The following CRIP2 variants were observed in gnomAD, a reference collection of about 807,000 sequenced individuals.
CRIP2 encodes cysteine rich protein 2.
Under a neutral mutation model 31.3 loss-of-function variants are expected in CRIP2, and 31 were observed. The observed-to-expected ratio is 0.99, with a 90% CI of 0.74 to 1.34. The LOEUF is 1.34. CRIP2 is among the 40% of genes most tolerant of loss of function. The probability of loss-of-function intolerance (pLI) is 0.00; values close to 1 mark genes in which losing one functional copy is unlikely to be tolerated. For missense variants in CRIP2, 389 were observed against 301.6 expected, an observed-to-expected ratio of 1.29 and a Z score of -2.15; for synonymous variants, 177 against 127.2, an observed-to-expected ratio of 1.39 and a Z score of -2.63.
At chr14:105,473,046 TAGCAAGCCC>T, upstream of CRIP2, 2 of 13,466 alleles carry the variant, frequency 1.5e-4, no homozygotes, top group East Asian at 0.019. Flanking sequence ...GCCCCACAGG[TAGCAAGCCC>T]CACAGGTAGC....
At chr14:105,474,815 C>T, upstream of CRIP2, 2 of 1,368,940 alleles carry the variant, frequency 1.5e-6, no homozygotes, top group Non-Finnish European at 1.9e-6. This position sits in a 1 kb window ranked among gnomAD's most constrained non-coding sequence, Gnocchi z 5.1. Flanking sequence ...GCGGCGGCGG[C>T]CCGGAGGAGA....
chr14:105,473,535 C>G (rs1450018150), upstream of CRIP2: 8 of 1,529,312 alleles, frequency 5.2e-6, no homozygotes, highest in Non-Finnish European at 7.0e-6. Context: ...GTCCAGCCCA[C>G]AGCCTCCAAG....
intron 6 of CRIP2, 90 bp from the exon 7 acceptor site, chr14:105,479,346 G>C: frequency 6.3e-7 from 1 of 1,576,602 alleles, no homozygotes. Flanking sequence ...TCTCCCCCAC[G>C]GCGAGCCGGC....
chr14:105,478,254 C>G lies in CRIP2; in HGVS notation c.44-12C>G. On this transcript the variant is annotated splice_polypyrimidine_tract_variant and intron_variant, in intron 1 of 7. Transcript: ENST00000329146. The surrounding 1 kb of genome is among the most constrained non-coding windows in gnomAD (Gnocchi z 4.9). Reference sequence around the variant, plus strand: ...CCCCGGCCCTGACCCCCCTGCCGCCCCTCCCGCTCAGCCGAGAAGGTGAGC... The same window carrying G: ...CCCCGGCCCTGACCCCCCTGCCGCCGCTCCCGCTCAGCCGAGAAGGTGAGC... 1 of 1,534,222 alleles carries G rather than the reference C, an allele frequency of 6.5e-7. No homozygotes were observed. The highest frequency in any genetic ancestry group is 2.5e-5 in the East Asian group (1 of 39,540).
chr14:105,479,087 C>G (rs1188497063), intron 5 of CRIP2, 38 bp from the exon 6 acceptor site: 1 of 1,596,580 alleles, frequency 6.3e-7, no homozygotes, highest in Non-Finnish European at 8.5e-7. Flanking sequence ...GCCCCCGCCC[C>G]CGCCCCGGGG....
At position 105,478,893 on chromosome 14, in the gene CRIP2, G is replaced by A; in HGVS notation, c.337+22G>A. On this transcript the variant is annotated intron_variant, in intron 4 of 7. Coordinates refer to ENST00000329146, the MANE Select transcript of CRIP2 (RefSeq NM_001312.4). The surrounding 1 kb of genome is among the most constrained non-coding windows in gnomAD (Gnocchi z 4.9). Reference sequence around the variant, plus strand: ...AGAGGTGGGCTGGGCGCGGGCTGGGGCTGGGGGTTGTGGGCACGCGCGGGC... The same window carrying A: ...AGAGGTGGGCTGGGCGCGGGCTGGGACTGGGGGTTGTGGGCACGCGCGGGC... 1 of 1,469,438 alleles carries A rather than the reference G, an allele frequency of 6.8e-7. No individual in the cohort carries two copies. The highest frequency in any genetic ancestry group is 1.4e-5 in the African/African-American group (1 of 69,160). The allele number at this position is 1,469,438 out of a possible 1,614,324, so 91.0% of individuals were successfully genotyped here. A position where few individuals can be genotyped will look rare whatever the true frequency, so the allele number is the denominator to read the frequency against.
chr14:105,474,941 T>A lies in CRIP2; in HGVS notation c.43+36T>A. 2 of 1,481,304 alleles carry A rather than the reference T, an allele frequency of 1.4e-6. No homozygotes were observed. Among genetic ancestry groups the A allele is most frequent in the Non-Finnish European group, 1.8e-6 (2 of 1,113,372 alleles). 91.8% of individuals were successfully genotyped at this position (1,481,304 alleles called of 1,614,324 possible). On this transcript the variant is annotated intron_variant, in intron 1 of 7. Transcript: ENST00000329146. The surrounding 1 kb of genome is among the most constrained non-coding windows in gnomAD (Gnocchi z 5.1). ...GCCCGCTCCCGGCCCGCTCGGTGCA[T>A]CCCGCCGCCCTTCGCGGCCAGTCCC...
chr14:105,479,488 C>G lies in CRIP2; in HGVS notation c.554C>G (p.Pro185Arg), dbSNP rs1420941329. The G allele has an allele frequency of 6.2e-7, 1 of 1,613,030 alleles. No individual in the cohort carries two copies. The highest frequency in any genetic ancestry group is 1.3e-5 in the African/African-American group (1 of 75,052). ...CCCTGCTATGGAATCCTCTTCGGAC[C>G]CAAGGGTGAGTGTAGCCAGGGTGGT... Reference protein sequence around the residue: ...HKPCYGILFGPKGVNTGAVGS... With the variant: ...HKPCYGILFGRKGVNTGAVGS... The change falls in exon 7 of 8, where the codon CCC (proline) becomes CGC (arginine). Residue 185 changes from proline (P) to arginine (R), a missense_variant. Physicochemically the swap from Pro to Arg is moderately radical, Grantham distance 103. Transcript: ENST00000329146.
At chr14:105,473,619 C>T, upstream of CRIP2, 1 of 1,346,286 alleles carries the variant, frequency 7.4e-7, no homozygotes. Flanking sequence ...ATCTGCCTGT[C>T]TCCCAGGCCG....
In CRIP2 at chr14:105,478,967, T is replaced by C; in HGVS notation, c.338-12T>C. 2 of 1,552,330 alleles carry C rather than the reference T, an allele frequency of 1.3e-6. No individual in the cohort carries two copies. Among genetic ancestry groups the C allele is most frequent in the Non-Finnish European group, 1.7e-6 (2 of 1,152,736 alleles). On this transcript the variant is annotated splice_polypyrimidine_tract_variant and intron_variant, in intron 4 of 7. Transcript: ENST00000329146. This position sits in a 1 kb window ranked among gnomAD's most constrained non-coding sequence, Gnocchi z 4.9. Reference sequence around the variant, plus strand: ...CCCGGCCCCGCCCCGCCCTGACTCGTGCGCCCCACAGCCTCCAGTGTCACC... The same window carrying C: ...CCCGGCCCCGCCCCGCCCTGACTCGCGCGCCCCACAGCCTCCAGTGTCACC...
chr14:105,476,646 C>T (rs587744824), intron 1 of CRIP2: 16 of 985,486 alleles, frequency 1.6e-5, no homozygotes, highest in African/African-American at 1.2e-4. Flanking sequence ...GTGCTGGCAG[C>T]CCTGGGCTGC....
In CRIP2 at chr14:105,478,431, C is replaced by T; in HGVS notation, c.139-19C>T. 6.3e-7 allele frequency: 1 copy of T among 1,599,128 alleles called. No homozygotes were observed. The highest frequency in any genetic ancestry group is 8.5e-7 in the Non-Finnish European group (1 of 1,176,534). ...CCGCCACCCTCAGGCAGGGTCCTGA[C>T]CCGCGCCCCTCTGCGCAGCATGACG... On this transcript the variant is annotated intron_variant, in intron 2 of 7. Transcript: ENST00000329146. This position sits in a 1 kb window ranked among gnomAD's most constrained non-coding sequence, Gnocchi z 4.9.
In CRIP2 at chr14:105,478,444, G is replaced by A. The variant is rs1159431052; in HGVS notation, c.139-6G>A. The A allele has an allele frequency of 2.5e-6, 4 of 1,603,390 alleles. No individual in the cohort carries two copies. Among genetic ancestry groups the A allele is most frequent in the African/African-American group, 2.7e-5 (2 of 74,758 alleles). On this transcript the variant is annotated splice_polypyrimidine_tract_variant and splice_region_variant and intron_variant, in intron 2 of 7. Transcript: ENST00000329146. This position sits in a 1 kb window ranked among gnomAD's most constrained non-coding sequence, Gnocchi z 4.9. ...GCAGGGTCCTGACCCGCGCCCCTCT[G>A]CGCAGCATGACGGGAAGCCGTTCTG...
chr14:105,477,843 G>A, intron 1 of CRIP2, among the ~76,000 whole-genome samples: 1 of 116,104 alleles, frequency 8.6e-6, no homozygotes, highest in African/African-American at 3.1e-5. Flanking sequence ...GGTGTGAGGC[G>A]GGTGTCCGGG....
Position 105,479,926 on chromosome 14 carries a change from G to A in CRIP2, c.*273G>A, listed in dbSNP as rs1233234347. 7.7e-6 allele frequency: 4 copies of A among 520,850 alleles called. No individual in the cohort carries two copies. Among genetic ancestry groups the A allele is most frequent in the Non-Finnish European group, 1.4e-5 (4 of 287,364 alleles). 32.3% of individuals were successfully genotyped at this position (520,850 alleles called of 1,614,324 possible). A position where few individuals can be genotyped will look rare whatever the true frequency, so the allele number is the denominator to read the frequency against. ...GACCCTGTCCCAGCATTTTCCCGCCGACCCTGCGTGTCCCCGTGGCGCTGT... is the reference window on the plus strand; with the variant it reads ...GACCCTGTCCCAGCATTTTCCCGCCAACCCTGCGTGTCCCCGTGGCGCTGT... On this transcript the variant is annotated 3_prime_UTR_variant, in exon 8 of 8. Coordinates refer to ENST00000329146, the MANE Select transcript of CRIP2 (RefSeq NM_001312.4).
At chr14:105,475,913 T>G in intron 1 of CRIP2, 15 of 985,462 alleles carry the variant, frequency 1.5e-5, no homozygotes, top group Non-Finnish European at 1.8e-5. Flanking sequence ...GGTCGCCCCA[T>G]ACCCAGAATG....
chr14:105,475,286 C>T, intron 1 of CRIP2: 1 of 197,720 alleles, frequency 5.1e-6, no homozygotes. Context: ...CGGGTGCGTC[C>T]CGCGCGCTCC....
At chr14:105,476,372 A>T (rs1555435814) in intron 1 of CRIP2, 2 of 985,324 alleles carry the variant, frequency 2.0e-6, no homozygotes, top group African/African-American at 3.5e-5. Flanking sequence ...GAGGGTCCAG[A>T]ATCCTGCCCA....
rs992431682 is a variant in CRIP2, at chr14:105,475,221, T to C, written c.43+316T>C. The C allele has an allele frequency of 5.1e-5, 14 of 273,984 alleles. No homozygotes were observed. The Admixed American group carries it at 5.4e-4, about 11-fold the overall frequency. The allele number at this position is 273,984 out of a possible 1,614,324, so 17.0% of individuals were successfully genotyped here. ...GAGCGCTCGGGGATCCGCGGACGCA[T>C]CCCGGTTCCTCGGACGGCGCCGGGC... On this transcript the variant is annotated intron_variant, in intron 1 of 7. Transcript: ENST00000329146.
Sources: gnomAD v4.1 joint callset for allele counts (sites outside exome capture counted in the v4.1 genomes callset) on GRCh38, gnomAD v4.1.1 for gene constraint, Gnocchi (gnomAD v3.1) non-coding constraint, MANE v1.5 for transcripts, NCBI Gene and HGNC (gene_info 2026-07-23, HGNC 2026-07-21) for gene names.